The following FBXW7 variants were observed in gnomAD, a reference collection of about 807,000 sequenced individuals.
FBXW7 encodes F-box and WD repeat domain containing 7.
FBXW7 carries 11 observed loss-of-function variants against 86.3 expected under a neutral mutation model. That is an observed-to-expected ratio of 0.13 (90% CI 0.08 to 0.21). The LOEUF (loss-of-function observed/expected upper bound fraction) is 0.21, where lower values mean the gene tolerates loss of function less well. Ranked by LOEUF, FBXW7 falls within the 10% of genes least tolerant of loss-of-function variation. FBXW7 has a pLI of 1.00. For missense variants in FBXW7, 488 were observed against 847.4 expected, an observed-to-expected ratio of 0.58 and a Z score of 5.27; for synonymous variants, 313 against 297.9, an observed-to-expected ratio of 1.05 and a Z score of -0.52.
At chr4:152,508,771 T>C (rs1747687426) in intron 2 of FBXW7, among the ~76,000 whole-genome samples, 1 of 149,320 alleles carries the variant, frequency 6.7e-6, no homozygotes, top group Non-Finnish European at 1.5e-5. Context: ...CATAGGATAC[T>C]TTTTTTTTTC....
At chr4:152,324,136 T>TA (rs1323328430) in intron 13 of FBXW7, 48 bp downstream of exon 13, 3 of 1,419,136 alleles carry the variant, frequency 2.1e-6, no homozygotes, top group Non-Finnish European at 3.0e-6. Flanking sequence ...TTCTCTTGAA[T>TA]AATGATCTCA....
At chr4:152,465,243 C>T (rs1025399465) in intron 2 of FBXW7, among the ~76,000 whole-genome samples, 1 of 151,420 alleles carries the variant, frequency 6.6e-6, no homozygotes, top group Admixed American at 6.6e-5. Flanking sequence ...AATATAAATA[C>T]TTAAAGAAAA....
chr4:152,473,388 G>A (rs1159213810), intron 2 of FBXW7, among the ~76,000 whole-genome samples: 1 of 152,194 alleles, frequency 6.6e-6, no homozygotes, highest in Non-Finnish European at 1.5e-5. Flanking sequence ...AGCCAAGCCA[G>A]GCATTCATAA....
intron 4 of FBXW7, among the ~76,000 whole-genome samples, chr4:152,385,540 C>T (rs1390351498): frequency 1.3e-5 from 2 of 151,838 alleles, no homozygotes; most frequent in Non-Finnish European, 2.9e-5. Flanking sequence ...AAAATTAAAA[C>T]TAAAATCAAC....
intron 4 of FBXW7, among the ~76,000 whole-genome samples, chr4:152,393,971 T>C (rs1560843273): frequency 6.6e-6 from 1 of 152,160 alleles, no homozygotes; most frequent in Non-Finnish European, 1.5e-5. Context: ...GCATTTCATA[T>C]AATTAGAGGT....
intron 4 of FBXW7, among the ~76,000 whole-genome samples, chr4:152,397,539 T>C (rs745998278): frequency 1.3e-5 from 2 of 151,778 alleles, no homozygotes; most frequent in African/African-American, 2.4e-5. Context: ...TTTTATTCTT[T>C]TAACTGAACA....
intron 7 of FBXW7, among the ~76,000 whole-genome samples, chr4:152,335,126 A>C (rs1357710280): frequency 6.6e-6 from 1 of 152,170 alleles, no homozygotes; most frequent in African/African-American, 2.4e-5. Context: ...TTTGTCATGT[A>C]GGGCTCTAAA....
chr4:152,486,669 AG>A (rs1266900520), intron 2 of FBXW7, among the ~76,000 whole-genome samples: 4 of 152,262 alleles, frequency 2.6e-5, no homozygotes, highest in African/African-American at 9.6e-5. Context: ...TACGTCCTGA[AG>A]GAACTGCCTG....
intron 4 of FBXW7, among the ~76,000 whole-genome samples, chr4:152,390,788 T>C (rs578158872): frequency 5.5e-4 from 83 of 152,096 alleles, no homozygotes; most frequent in Non-Finnish European, 1.1e-3. Context: ...TAATACTAAT[T>C]ATACTAATAA....
At chr4:152,328,444 T>C in intron 10 of FBXW7, 55 bp from the exon 11 acceptor site, 1 of 1,176,428 alleles carries the variant, frequency 8.5e-7, no homozygotes, top group Non-Finnish European at 1.1e-6. Context: ...GTGATTTAAA[T>C]AAAATTTAAT....
intron 4 of FBXW7, among the ~76,000 whole-genome samples, chr4:152,358,896 A>G (rs560253556): frequency 5.3e-4 from 80 of 152,296 alleles, no homozygotes; most frequent in African/African-American, 1.8e-3. Context: ...ATAGCTAGCT[A>G]TATTTAGAAC....
chr4:152,421,336 C>T (rs1738921275), intron 2 of FBXW7, among the ~76,000 whole-genome samples: 1 of 152,288 alleles, frequency 6.6e-6, no homozygotes. Flanking sequence ...AAACTTTCTC[C>T]ATATCAGCAA....
chr4:152,488,595 C>T (rs1224918933), intron 2 of FBXW7, among the ~76,000 whole-genome samples: 1 of 152,048 alleles, frequency 6.6e-6, no homozygotes, highest in Non-Finnish European at 1.5e-5. Flanking sequence ...ATGCCATTTA[C>T]TTTAATAACT....
At chr4:152,516,641 A>T (rs1055145418) in intron 2 of FBXW7, among the ~76,000 whole-genome samples, 2 of 152,206 alleles carry the variant, frequency 1.3e-5, no homozygotes, top group Non-Finnish European at 2.9e-5. Context: ...AATTTCTAAA[A>T]CTTCACATTA....
At chr4:152,420,623 T>C (rs1413634047) in intron 2 of FBXW7, among the ~76,000 whole-genome samples, 2 of 152,106 alleles carry the variant, frequency 1.3e-5, no homozygotes, top group African/African-American at 4.8e-5. Context: ...ACACAATAGA[T>C]GTTATTATGT....
At chr4:152,528,587 C>T (rs1749740058) in intron 2 of FBXW7, among the ~76,000 whole-genome samples, 1 of 152,098 alleles carries the variant, frequency 6.6e-6, no homozygotes, top group Admixed American at 6.5e-5. Context: ...TGCAGATGCT[C>T]CCTCAAATGT....
chr4:152,384,548 T>G (rs767890737), intron 4 of FBXW7, among the ~76,000 whole-genome samples: 6 of 152,052 alleles, frequency 3.9e-5, no homozygotes, highest in Non-Finnish European at 7.4e-5. Flanking sequence ...TAGTGTTTAG[T>G]TGGCACAGAG....
intron 2 of FBXW7, among the ~76,000 whole-genome samples, chr4:152,471,230 T>G (rs1245111579): frequency 6.6e-6 from 1 of 151,822 alleles, no homozygotes; most frequent in East Asian, 1.9e-4. Context: ...ATATATAAAA[T>G]TTTAAATAAT....
chr4:152,330,953 GT>G (rs1447588650), intron 8 of FBXW7, 85 bp from the exon 9 acceptor site: 21 of 1,356,686 alleles, frequency 1.5e-5, no homozygotes, highest in Middle Eastern at 1.9e-4. Flanking sequence ...TTTATAAAGA[GT>G]ATTCCATCTC....
Sources: gnomAD v4.1 joint callset for allele counts (sites outside exome capture counted in the v4.1 genomes callset) on GRCh38, gnomAD v4.1.1 for gene constraint, MANE v1.5 for transcripts, NCBI Gene and HGNC (gene_info 2026-07-23, HGNC 2026-07-21) for gene names.